SLC14A2: variants seen among roughly 807,000 people sequenced by gnomAD.
The protein encoded by SLC14A2 is urea transporter 2.
In SLC14A2, 91 loss-of-function variants were observed where a neutral mutation model predicts 104.6. That is an observed-to-expected ratio of 0.87 (90% CI 0.73 to 1.04). The LOEUF (loss-of-function observed/expected upper bound fraction) is 1.04, where lower values mean the gene tolerates loss of function less well. Ranked by LOEUF, SLC14A2 falls within the 50% of genes least tolerant of loss-of-function variation. The probability of loss-of-function intolerance (pLI) is 0.00; values close to 1 mark genes in which losing one functional copy is unlikely to be tolerated. For synonymous variants in SLC14A2, 476 were observed against 466.4 expected, an observed-to-expected ratio of 1.02 and a Z score of -0.27; for missense variants, 1,189 against 1,156.0, an observed-to-expected ratio of 1.03 and a Z score of -0.41.
At chr18:45,468,575 A>C (rs1280043118) in intron 1 of SLC14A2, among the ~76,000 whole-genome samples, 2 of 152,112 alleles carry the variant, frequency 1.3e-5, no homozygotes, top group Admixed American at 1.3e-4. Context: ...ATTGCCTGCA[A>C]CACCGTATCA....
intron 1 of SLC14A2, among the ~76,000 whole-genome samples, chr18:45,309,477 C>T (rs2085056536): frequency 6.6e-6 from 1 of 151,998 alleles, no homozygotes. Context: ...TCCCATTGTA[C>T]AGATGGATGA....
intron 1 of SLC14A2, among the ~76,000 whole-genome samples, chr18:45,319,799 G>T (rs1277741790): frequency 6.6e-6 from 1 of 152,236 alleles, no homozygotes; most frequent in Non-Finnish European, 1.5e-5. Flanking sequence ...GGGGGTAGAA[G>T]TTGTAGATAA....
chr18:45,354,365 T>C (rs1255715781), intron 1 of SLC14A2, among the ~76,000 whole-genome samples: 1 of 152,186 alleles, frequency 6.6e-6, no homozygotes, highest in Non-Finnish European at 1.5e-5. Flanking sequence ...AGAGCTGGGA[T>C]GCACTGGCTT....
At chr18:45,516,205 T>TC (rs1386426012) in intron 2 of SLC14A2, among the ~76,000 whole-genome samples, 7 of 152,182 alleles carry the variant, frequency 4.6e-5, no homozygotes, top group Admixed American at 3.9e-4. Flanking sequence ...TTCCTTTCTC[T>TC]CCCCCCTCAC....
chr18:45,374,645 TTA>T (rs2085755661), intron 1 of SLC14A2, among the ~76,000 whole-genome samples: 1 of 151,120 alleles, frequency 6.6e-6, no homozygotes, highest in African/African-American at 2.4e-5. Context: ...CACAAGCCAG[TTA>T]CAGACTCCCA....
chr18:45,606,746 AACAAAACAAAAAC>A (rs1316040371), intron 2 of SLC14A2, among the ~76,000 whole-genome samples: 6,074 of 50,994 alleles, frequency 0.12, 148 homozygotes, highest in Non-Finnish European at 0.14. Flanking sequence ...AAAAAAAAAA[AACAAAACAAAAAC>A]AAAAAAAAAA....
At chr18:45,238,430 A>AAG (rs1328604124) in intron 1 of SLC14A2, among the ~76,000 whole-genome samples, 1 of 152,228 alleles carries the variant, frequency 6.6e-6, no homozygotes, top group African/African-American at 2.4e-5. Context: ...CACACTGTTG[A>AAG]AGACTTTGAG....
At chr18:45,176,121 C>G in the SLC14A2 span, among the ~76,000 whole-genome samples, 1 of 152,100 alleles carries the variant, frequency 6.6e-6, no homozygotes, top group South Asian at 2.1e-4. Flanking sequence ...CTGCCAACCC[C>G]TAGGAAGAGA....
In SLC14A2 at chr18:45,666,220, G is replaced by C. The variant is rs1245402534; in HGVS notation, c.1557+1G>C. The C allele has an allele frequency of 6.2e-7, 1 of 1,604,102 alleles. No individual in the cohort carries two copies. Among genetic ancestry groups the C allele is most frequent in the Admixed American group, 1.7e-5 (1 of 59,994 alleles). Reference sequence around the variant, plus strand: ...CCGGAAGCCCACAGTCGAGCTGCTTGTGAGTACTGAGTGTCCTGAATCAGG... The same window carrying C: ...CCGGAAGCCCACAGTCGAGCTGCTTCTGAGTACTGAGTGTCCTGAATCAGG... On this transcript the variant is annotated splice_donor_variant, in intron 12 of 19. Transcript: ENST00000255226. LOFTEE classifies it high-confidence loss of function.
upstream of SLC14A2, among the ~76,000 whole-genome samples, chr18:45,210,552 C>T (rs2083953063): frequency 6.6e-6 from 1 of 152,166 alleles, no homozygotes; most frequent in South Asian, 2.1e-4. Flanking sequence ...GCACTCTAAC[C>T]TAGGCAAGAG....
intron 1 of SLC14A2, among the ~76,000 whole-genome samples, chr18:45,249,228 G>A (rs1010651503): frequency 6.6e-6 from 1 of 150,440 alleles, no homozygotes; most frequent in Admixed American, 6.6e-5. Flanking sequence ...TTTTGGAGAT[G>A]TTTCCTTCAT....
chr18:45,450,272 T>C (rs2086837073), intron 1 of SLC14A2, among the ~76,000 whole-genome samples: 1 of 152,316 alleles, frequency 6.6e-6, no homozygotes, highest in African/African-American at 2.4e-5. Flanking sequence ...TCTATAAATT[T>C]GACATGGCCC....
At position 45,597,372 on chromosome 18, in the gene SLC14A2, C is replaced by A. The variant is rs145244473; in HGVS notation, c.-34-27259C>A. 1.3e-3 allele frequency among the ~76,000 whole-genome samples: 203 copies of A among 152,176 alleles called. 4 individuals carry two copies. The East Asian group carries it at 0.036, about 27-fold the overall frequency. On this transcript the variant is annotated intron_variant, in intron 2 of 20. Transcript: ENST00000586448. ...AAAGAAAGAAAAGAAATGGAGTTTA[C>A]AGTGACAGTCTTTTATCCACCCATT...
chr18:45,644,479 G>A (rs981913610), intron 10 of SLC14A2: 1 of 234,308 alleles, frequency 4.3e-6, no homozygotes, highest in East Asian at 8.5e-5. Context: ...GTAATTAACA[G>A]GTGATCTTCT....
At chr18:45,405,532 C>T (rs2086144497) in intron 1 of SLC14A2, among the ~76,000 whole-genome samples, 1 of 152,120 alleles carries the variant, frequency 6.6e-6, no homozygotes, top group Admixed American at 6.6e-5. Flanking sequence ...ATATTGTAGT[C>T]TATTAAGTGT....
At chr18:45,447,766 T>A (rs2086793535) in intron 1 of SLC14A2, 1 of 152,226 alleles carries the variant, frequency 6.6e-6, no homozygotes, top group African/African-American at 2.4e-5. Context: ...CCTAATAATA[T>A]GCAAATGGAG....
At chr18:45,195,115 A>G in the SLC14A2 span, among the ~76,000 whole-genome samples, 3 of 152,064 alleles carry the variant, frequency 2.0e-5, no homozygotes, top group Non-Finnish European at 2.9e-5. Context: ...GCCTCTTCCT[A>G]TTTAGATCTG....
At chr18:45,666,034 T>C in intron 11 of SLC14A2, 103 bp from the exon 12 acceptor site, 1 of 781,436 alleles carries the variant, frequency 1.3e-6, no homozygotes, top group Non-Finnish European at 2.2e-6. Flanking sequence ...GAACAGGAAA[T>C]ACTGCATAAT....
intron 2 of SLC14A2, among the ~76,000 whole-genome samples, chr18:45,556,155 G>A (rs1035603416): frequency 2.0e-5 from 3 of 152,146 alleles, no homozygotes; most frequent in African/African-American, 7.2e-5. Flanking sequence ...CACTTCCAAA[G>A]TCCCTCTCAT....
Sources: allele counts gnomAD v4.1 joint callset (sites outside exome capture counted in the v4.1 genomes callset), GRCh38; gene constraint gnomAD v4.1.1; transcripts MANE v1.5; gene names NCBI Gene and HGNC (gene_info 2026-07-23, HGNC 2026-07-21).